MAP3K3: variants seen among roughly 807,000 people sequenced by gnomAD.
MAP3K3 encodes the protein MAP/ERK kinase kinase 3.
MAP3K3 carries 12 observed loss-of-function variants against 80.9 expected under a neutral mutation model. That is an observed-to-expected ratio of 0.15 (90% CI 0.10 to 0.24). The LOEUF (loss-of-function observed/expected upper bound fraction) is 0.24. Among genes scored for constraint, MAP3K3 ranks in the 10% least tolerant of loss-of-function variants. MAP3K3 has a pLI of 1.00. For synonymous variants in MAP3K3, 272 were observed against 307.1 expected, an observed-to-expected ratio of 0.89 and a Z score of 1.19; for missense variants, 596 against 834.7, an observed-to-expected ratio of 0.71 and a Z score of 3.52.
intron 1 of MAP3K3, among the ~76,000 whole-genome samples, 167 bp downstream of exon 1, chr17:63,622,930 G>T (rs1385137688): frequency 7.1e-6 from 1 of 141,664 alleles, no homozygotes; most frequent in Non-Finnish European, 1.5e-5. Context: ...CGCGCGCCGC[G>T]GCCCGGGCGG....
In MAP3K3 at chr17:63,649,683, T is replaced by C. The variant is rs183544705; in HGVS notation, c.168-2874T>C. On this transcript the variant is annotated intron_variant, in intron 3 of 15. Coordinates refer to ENST00000361733, the MANE Select transcript of MAP3K3 (RefSeq NM_002401.5). ...TTGGCCTTCCAGAGTTCTGGGATTATAGGTGTGAGCCACTGTACCTGTTCA... is the reference window on the plus strand; with the variant it reads ...TTGGCCTTCCAGAGTTCTGGGATTACAGGTGTGAGCCACTGTACCTGTTCA... Among the ~76,000 whole-genome samples the C allele has an allele frequency of 5.4e-3, 820 of 152,316 alleles. 5 individuals are homozygous for C. Among genetic ancestry groups the C allele is most frequent in the African/African-American group, 0.018 (749 of 41,558 alleles).
At chr17:63,647,546 T>G (rs1476662711) in intron 3 of MAP3K3, among the ~76,000 whole-genome samples, 3 of 152,168 alleles carry the variant, frequency 2.0e-5, no homozygotes, top group African/African-American at 7.2e-5. Flanking sequence ...AGCTGCCAGA[T>G]TGAAACCACA....
At chr17:63,646,977 G>C (rs905941888) in intron 3 of MAP3K3, among the ~76,000 whole-genome samples, 2 of 152,158 alleles carry the variant, frequency 1.3e-5, no homozygotes, top group Non-Finnish European at 2.9e-5. Flanking sequence ...TTGGACAGGT[G>C]AAGAGCATAC....
At position 63,693,785 on chromosome 17, in the gene MAP3K3, C is replaced by G. The variant is rs45550042; in HGVS notation, c.*8C>G. On this transcript the variant is annotated 3_prime_UTR_variant, in exon 16 of 16. Coordinates refer to ENST00000361733, the MANE Select transcript of MAP3K3 (RefSeq NM_002401.5). This position sits in a 1 kb window ranked among gnomAD's most constrained non-coding sequence, Gnocchi z 4.2. ...GCACAGCTCATGTACTGAGCTCTCA[C>G]GGCCACACAGCTGCCGGTCGCCCTT... 4.4e-6 allele frequency: 7 copies of G among 1,590,946 alleles called. No individual in the cohort carries two copies. Among genetic ancestry groups the G allele is most frequent in the Admixed American group, 1.8e-5 (1 of 55,762 alleles).
At chr17:63,668,904 C>T (rs1349479997) in intron 6 of MAP3K3, among the ~76,000 whole-genome samples, 1 of 152,104 alleles carries the variant, frequency 6.6e-6, no homozygotes, top group South Asian at 2.1e-4. Flanking sequence ...GAGCAGATTC[C>T]GCCTGGGAGA....
intron 1 of MAP3K3, among the ~76,000 whole-genome samples, chr17:63,623,025 G>T (rs2034024320): frequency 6.6e-6 from 1 of 150,770 alleles, no homozygotes; most frequent in Non-Finnish European, 1.5e-5. Flanking sequence ...GCATCCCGGG[G>T]AAGCGGCGGC....
chr17:63,671,456 A>G (rs1306022856), intron 6 of MAP3K3, among the ~76,000 whole-genome samples: 1 of 151,930 alleles, frequency 6.6e-6, no homozygotes, highest in African/African-American at 2.4e-5. Flanking sequence ...GGGTTTCACC[A>G]CGTTGGCCAG....
rs1303724857 is a variant in MAP3K3, at chr17:63,691,128, C to A, written c.1239C>A (p.Ile413=). 6.2e-7 allele frequency: 1 copy of A among 1,614,166 alleles called. No homozygotes were observed. Among genetic ancestry groups the A allele is most frequent in the South Asian group, 1.1e-5 (1 of 91,084 alleles). The change falls in exon 13 of 16, where the codon ATC becomes ATA. Residue 413 remains isoleucine, a synonymous_variant. Transcript: ENST00000361733. The surrounding 1 kb of genome is among the most constrained non-coding windows in gnomAD (Gnocchi z 4.8). ...AGGTGAGTGCTCTGGAGTGCGAGATCCAGTTGCTAAAGAACTTGCAGCATG... is the reference window on the plus strand; with the variant it reads ...AGGTGAGTGCTCTGGAGTGCGAGATACAGTTGCTAAAGAACTTGCAGCATG... The part of the protein sequence containing the change: ...SKEVSALECE[I]QLLKNLQHER...
At chr17:63,623,366 AC>A (rs1215494563) in intron 1 of MAP3K3, among the ~76,000 whole-genome samples, 4 of 152,208 alleles carry the variant, frequency 2.6e-5, no homozygotes, top group African/African-American at 9.6e-5. Flanking sequence ...TGCGTGCTGC[AC>A]GCAGATTGCT....
intron 2 of MAP3K3, chr17:63,636,787 C>T: frequency 3.1e-6 from 1 of 325,590 alleles, no homozygotes; most frequent in South Asian, 4.5e-5. Flanking sequence ...GGCAGCCCGG[C>T]TGTGGGAGAA....
intron 6 of MAP3K3, among the ~76,000 whole-genome samples, chr17:63,678,906 T>G (rs973256152): frequency 3.9e-5 from 6 of 152,104 alleles, no homozygotes; most frequent in Non-Finnish European, 7.4e-5. Flanking sequence ...GACGGCCACC[T>G]GTAATCCCAG....
intron 2 of MAP3K3, among the ~76,000 whole-genome samples, chr17:63,635,730 G>T (rs1189267828): frequency 6.6e-6 from 1 of 152,126 alleles, no homozygotes; most frequent in Non-Finnish European, 1.5e-5. Flanking sequence ...TATTATTATT[G>T]TAGTTTTTGT....
rs140297568 is a variant in MAP3K3, at chr17:63,662,915, T to C, written c.382-4025T>C. On this transcript the variant is annotated intron_variant, in intron 5 of 15. Transcript: ENST00000361733. ...TCTCGAACTCTTAAACTTCAAATGA[T>C]CTGACCGCCTTGGCCTCCCAAAGTG... Among the ~76,000 whole-genome samples the C allele has an allele frequency of 8.6e-3, 1,304 of 151,886 alleles. 18 individuals carry two copies. The highest frequency in any genetic ancestry group is 0.03 in the African/African-American group (1,249 of 41,414).
intron 2 of MAP3K3, among the ~76,000 whole-genome samples, chr17:63,644,812 C>T (rs1042717616): frequency 1.3e-4 from 20 of 152,286 alleles, no homozygotes; most frequent in African/African-American, 4.3e-4. Context: ...AGTCCTCTTT[C>T]TTCCAAGCCA....
At chr17:63,679,164 G>T (rs187729275) in intron 6 of MAP3K3, among the ~76,000 whole-genome samples, 1 of 152,232 alleles carries the variant, frequency 6.6e-6, no homozygotes, top group African/African-American at 2.4e-5. Flanking sequence ...ACTTTGGGAG[G>T]CCAAGGCTTG....
At chr17:63,634,382 T>C (rs1357970776) in intron 2 of MAP3K3, among the ~76,000 whole-genome samples, 1 of 152,194 alleles carries the variant, frequency 6.6e-6, no homozygotes, top group African/African-American at 2.4e-5. Flanking sequence ...TTTCTTGAAT[T>C]GGAAGGCCCA....
chr17:63,669,393 A>G (rs1598099976), intron 6 of MAP3K3, among the ~76,000 whole-genome samples: 1 of 150,702 alleles, frequency 6.6e-6, no homozygotes, highest in Non-Finnish European at 1.5e-5. Flanking sequence ...CTGCACTCAG[A>G]CTCTTTTGGT....
chr17:63,643,156 T>G (rs1467675175), intron 2 of MAP3K3, among the ~76,000 whole-genome samples: 1 of 151,946 alleles, frequency 6.6e-6, no homozygotes, highest in African/African-American at 2.4e-5. Context: ...ATATCAATAT[T>G]GATTAATTAA....
chr17:63,641,444 T>C (rs370255751), intron 2 of MAP3K3, among the ~76,000 whole-genome samples: 14 of 152,100 alleles, frequency 9.2e-5, no homozygotes, highest in African/African-American at 3.1e-4. Flanking sequence ...GGTTTCACCA[T>C]GTTGGCCAGG....
Sources: allele counts gnomAD v4.1 joint callset (sites outside exome capture counted in the v4.1 genomes callset), GRCh38; gene constraint gnomAD v4.1.1; non-coding constraint Gnocchi (gnomAD v3.1); transcripts MANE v1.5; gene names NCBI Gene and HGNC (gene_info 2026-07-23, HGNC 2026-07-21).